The following FBXO36 variants were observed in gnomAD, a reference collection of about 807,000 sequenced individuals.
The protein encoded by FBXO36 is F-box only protein 36.
In FBXO36, 18 loss-of-function variants were observed where a neutral mutation model predicts 17.0. The observed-to-expected ratio is 1.06, with a 90% CI of 0.73 to 1.57. The LOEUF (loss-of-function observed/expected upper bound fraction) is 1.57. Among genes scored for constraint, FBXO36 ranks in the 40% most tolerant of loss-of-function variants. FBXO36 has a pLI of 0.00. For missense variants in FBXO36, 229 were observed against 221.9 expected (o/e 1.03, Z -0.20); for synonymous variants, 83 against 85.3 (o/e 0.97, Z 0.15).
chr2:229,965,049 A>G (rs1017599980), intron 1 of FBXO36, among the ~76,000 whole-genome samples: 5 of 151,986 alleles, frequency 3.3e-5, no homozygotes, highest in Non-Finnish European at 5.9e-5. Context: ...GGATTTTGAG[A>G]CACAGTTTGA....
At chr2:229,980,086 C>T (rs772059916) in intron 2 of FBXO36, among the ~76,000 whole-genome samples, 5 of 151,870 alleles carry the variant, frequency 3.3e-5, no homozygotes, top group East Asian at 1.9e-4. Flanking sequence ...CTTGCTCTGT[C>T]GCCTAGGGTG....
chr2:229,975,047 T>C (rs1461611375), intron 1 of FBXO36, among the ~76,000 whole-genome samples: 1 of 152,154 alleles, frequency 6.6e-6, no homozygotes, highest in African/African-American at 2.4e-5. Context: ...TAATATAAGA[T>C]ATGTTTCAAG....
intron 1 of FBXO36, among the ~76,000 whole-genome samples, chr2:229,938,891 C>T (rs1324944223): frequency 6.7e-6 from 1 of 148,644 alleles, no homozygotes; most frequent in African/African-American, 2.5e-5. Context: ...TCCCGAGTAG[C>T]TGGGATTACA....
chr2:230,002,825 T>G (rs965177981), intron 3 of FBXO36, among the ~76,000 whole-genome samples: 1 of 152,046 alleles, frequency 6.6e-6, no homozygotes, highest in African/African-American at 2.4e-5. Flanking sequence ...CATGATGAAA[T>G]GAGAATAATA....
intron 1 of FBXO36, among the ~76,000 whole-genome samples, chr2:229,961,947 G>A (rs369472399): frequency 6.6e-6 from 1 of 152,220 alleles, no homozygotes; most frequent in East Asian, 1.9e-4. Flanking sequence ...TTGGGAGGCA[G>A]AGCTGGGCCA....
intron 1 of FBXO36, among the ~76,000 whole-genome samples, chr2:229,968,238 A>G (rs1305087879): frequency 6.6e-6 from 1 of 151,886 alleles, no homozygotes; most frequent in Admixed American, 6.6e-5. Context: ...TTAAAAATGT[A>G]TTTTCCCTTA....
rs373387898 is a variant in FBXO36 at position 229,996,842 on chromosome 2, C to T, written c.297C>T (p.Asp99=). ...GKFDFLERLS[D]DLLLTIISYL... The stretch of plus-strand genomic sequence containing the variant: ...TTGACTTCCTTGAACGGCTCTCAGA[C>T]GATTTGCTCCTGACTATCATTTCTT... The change falls in exon 3 of 4, where the codon GAC becomes GAT. Residue 99 remains aspartate, a synonymous_variant. Coordinates refer to ENST00000283946, the MANE Select transcript of FBXO36 (RefSeq NM_174899.5). The T allele has an allele frequency of 2.5e-5, 40 of 1,613,932 alleles. No homozygotes were observed. The highest frequency in any genetic ancestry group is 3.3e-4 in the Middle Eastern group (2 of 6,068).
At chr2:229,923,861 T>G (rs1335455934) in intron 1 of FBXO36, among the ~76,000 whole-genome samples, 5 of 141,976 alleles carry the variant, frequency 3.5e-5, no homozygotes, top group South Asian at 2.3e-4. Context: ...TTTTTTTTTT[T>G]TTTTTTTTTT....
At chr2:229,972,846 G>C (rs570685225) in intron 1 of FBXO36, among the ~76,000 whole-genome samples, 1 of 151,670 alleles carries the variant, frequency 6.6e-6, no homozygotes, top group African/African-American at 2.4e-5. Flanking sequence ...GGAGGATCAC[G>C]AGGTCAGCAG....
intron 2 of FBXO36, chr2:229,976,803 G>C (rs1188101580): frequency 1.3e-5 from 2 of 150,432 alleles, no homozygotes; most frequent in African/African-American, 4.9e-5. Context: ...TGGGCAACAA[G>C]AACAAAATTC....
chr2:229,931,980 A>G (rs2076940957), intron 1 of FBXO36, among the ~76,000 whole-genome samples: 2 of 148,748 alleles, frequency 1.3e-5, no homozygotes, highest in Non-Finnish European at 3.0e-5. Flanking sequence ...GCAGTGGTGC[A>G]ATCATAGCTC....
intron 2 of FBXO36, among the ~76,000 whole-genome samples, chr2:229,992,164 CT>C (rs1029720343): frequency 1.1e-3 from 157 of 145,152 alleles, no homozygotes; most frequent in Middle Eastern, 3.6e-3. Context: ...CTCATTTAAT[CT>C]TTTTTTTTTT....
chr2:229,978,821 G>T (rs187931823), intron 2 of FBXO36, among the ~76,000 whole-genome samples: 3 of 151,998 alleles, frequency 2.0e-5, no homozygotes, highest in Non-Finnish European at 4.4e-5. Context: ...AATCAAGCAC[G>T]ATAATCTCAT....
At chr2:229,985,491 C>T (rs2106201996) in intron 2 of FBXO36, among the ~76,000 whole-genome samples, 1 of 152,190 alleles carries the variant, frequency 6.6e-6, no homozygotes, top group South Asian at 2.1e-4. Flanking sequence ...TACAACACTC[C>T]TCCCCTCCTT....
At chr2:229,966,498 GT>G (rs781102339) in intron 1 of FBXO36, among the ~76,000 whole-genome samples, 85 of 152,170 alleles carry the variant, frequency 5.6e-4, no homozygotes, top group Non-Finnish European at 1.1e-3. Context: ...TTCTTCTAGG[GT>G]TTTTATGGTT....
At chr2:229,943,389 AGCAG>A (rs1412425367) in intron 1 of FBXO36, 3 of 152,262 alleles carry the variant, frequency 2.0e-5, no homozygotes, top group Non-Finnish European at 4.4e-5. Context: ...TGGCTGGAGT[AGCAG>A]GCCAGATGTC....
chr2:229,989,565 T>G (rs370606871), intron 2 of FBXO36, among the ~76,000 whole-genome samples: 1 of 145,778 alleles, frequency 6.9e-6, no homozygotes, highest in Admixed American at 6.9e-5. Flanking sequence ...CCATGATATA[T>G]TTTGTTTGTT....
chr2:229,934,689 G>C (rs2106156566), intron 1 of FBXO36, among the ~76,000 whole-genome samples: 1 of 152,248 alleles, frequency 6.6e-6, no homozygotes, highest in African/African-American at 2.4e-5. Context: ...AGACAGAGCT[G>C]TGTTGCCCAG....
intron 3 of FBXO36, among the ~76,000 whole-genome samples, chr2:230,004,773 G>A (rs1399278899): frequency 6.6e-6 from 1 of 152,148 alleles, no homozygotes; most frequent in Non-Finnish European, 1.5e-5. Flanking sequence ...TTGGGAGGCC[G>A]AGGCAGGTGG....
Sources: gnomAD v4.1 joint callset for allele counts (sites outside exome capture counted in the v4.1 genomes callset) on GRCh38, gnomAD v4.1.1 for gene constraint, MANE v1.5 for transcripts, NCBI Gene and HGNC (gene_info 2026-07-23, HGNC 2026-07-21) for gene names.